SLC26A4: variants seen among roughly 807,000 people sequenced by gnomAD.
SLC26A4 encodes the protein solute carrier family 26 member 4.
In SLC26A4, 93 loss-of-function variants were observed where a neutral mutation model predicts 90.4. The observed-to-expected ratio is 1.03, with a 90% CI of 0.87 to 1.22. The LOEUF (loss-of-function observed/expected upper bound fraction) is 1.22, where lower values mean the gene tolerates loss of function less well. SLC26A4 is among the 50% of genes most tolerant of loss of function. The probability of loss-of-function intolerance (pLI) is 0.00; values close to 1 mark genes in which losing one functional copy is unlikely to be tolerated. For synonymous variants in SLC26A4, 393 were observed against 354.6 expected (o/e 1.11, Z -1.22); for missense variants, 1,127 against 946.2 (o/e 1.19, Z -2.51).
chr7:107,675,385 T>C (rs1790997817), intron 6 of SLC26A4, among the ~76,000 whole-genome samples: 1 of 150,686 alleles, frequency 6.6e-6, no homozygotes, highest in Admixed American at 6.6e-5. Context: ...TGCACACTTG[T>C]AGTCTCAGCT....
At chr7:107,694,570 C>G (rs764490335) in intron 11 of SLC26A4, 51 bp from the exon 12 acceptor site, 1 of 1,541,356 alleles carries the variant, frequency 6.5e-7, no homozygotes, top group Non-Finnish European at 9.0e-7. Context: ...ACAATCATCA[C>G]ATGGAAAACC....
chr7:107,665,111 A>T (rs904137735), intron 3 of SLC26A4, among the ~76,000 whole-genome samples: 5 of 152,168 alleles, frequency 3.3e-5, no homozygotes, highest in Non-Finnish European at 7.3e-5. Context: ...GCTTCCTGGA[A>T]GTTGAATGTC....
chr7:107,695,089 G>A (rs911791103), intron 12 of SLC26A4, among the ~76,000 whole-genome samples: 1 of 152,112 alleles, frequency 6.6e-6, no homozygotes, highest in Non-Finnish European at 1.5e-5. Context: ...CTTTAACTCT[G>A]ACTAACATAA....
chr7:107,663,246 G>A, intron 2 of SLC26A4, 50 bp from the exon 3 acceptor site: 1 of 1,606,724 alleles, frequency 6.2e-7, no homozygotes, highest in Non-Finnish European at 8.5e-7. Flanking sequence ...TTTGCAAATT[G>A]GTTGTGACTG....
At chr7:107,695,468 C>T (rs931318856) in intron 12 of SLC26A4, among the ~76,000 whole-genome samples, 1 of 152,168 alleles carries the variant, frequency 6.6e-6, no homozygotes, top group Admixed American at 6.6e-5. Context: ...AGCCCAGTTT[C>T]TACAGCTACT....
At chr7:107,686,429 C>CTT (rs1042838853) in intron 8 of SLC26A4, among the ~76,000 whole-genome samples, 2 of 83,724 alleles carry the variant, frequency 2.4e-5, no homozygotes, top group Non-Finnish European at 4.4e-5. Context: ...TTCTTTCTTT[C>CTT]TTTCTTTCTT....
chr7:107,702,124 C>T (rs899949258), intron 17 of SLC26A4, 67 bp downstream of exon 17: 17 of 1,027,044 alleles, frequency 1.7e-5, no homozygotes, highest in Non-Finnish European at 4.6e-6. Flanking sequence ...GTGGGTTGTC[C>T]AGTATTGCAA....
At chr7:107,688,806 G>A (rs1203135681) in intron 8 of SLC26A4, among the ~76,000 whole-genome samples, 2 of 152,216 alleles carry the variant, frequency 1.3e-5, no homozygotes, top group East Asian at 1.9e-4. Context: ...GTGAGAGATA[G>A]AGAAGAGTCA....
intron 17 of SLC26A4, among the ~76,000 whole-genome samples, 171 bp downstream of exon 17, chr7:107,702,228 C>T (rs759976029): frequency 6.6e-6 from 1 of 152,174 alleles, no homozygotes; most frequent in South Asian, 2.1e-4. Flanking sequence ...GCCAGACTAC[C>T]TGGGGGAGAT....
Position 107,672,168 on chromosome 7 carries a change from C to T in SLC26A4, c.335C>T (p.Pro112Leu), listed in dbSNP as rs2129311240. ...GMAYALLAAV[P>L]VGYGLYSAFF... ...GCATATGCCCTACTAGCTGCAGTTCCTGTCGGATATGGTCTCTACTCTGCT... is the reference window on the plus strand; with the variant it reads ...GCATATGCCCTACTAGCTGCAGTTCTTGTCGGATATGGTCTCTACTCTGCT... The change falls in exon 4 of 21, where the codon CCT (proline) becomes CTT (leucine). Residue 112 changes from proline (P) to leucine (L), a missense_variant. Coordinates refer to ENST00000644269, the MANE Select transcript of SLC26A4 (RefSeq NM_000441.2). The T allele has an allele frequency of 1.2e-6, 2 of 1,613,018 alleles. No homozygotes were observed. Among genetic ancestry groups the T allele is most frequent in the Non-Finnish European group, 1.7e-6 (2 of 1,179,082 alleles).
intron 8 of SLC26A4, among the ~76,000 whole-genome samples, chr7:107,686,981 G>A (rs1038135896): frequency 6.6e-6 from 1 of 152,190 alleles, no homozygotes; most frequent in Non-Finnish European, 1.5e-5. Context: ...CTTTCTGAGG[G>A]CTACTCTTCT....
chr7:107,707,304 G>A (rs1295870710), intron 18 of SLC26A4, among the ~76,000 whole-genome samples: 1 of 152,200 alleles, frequency 6.6e-6, no homozygotes, highest in African/African-American at 2.4e-5. Flanking sequence ...TCAGTCTCAT[G>A]TAATTAATTC....
chr7:107,686,932 G>C (rs1791439056), intron 8 of SLC26A4, among the ~76,000 whole-genome samples: 1 of 152,130 alleles, frequency 6.6e-6, no homozygotes, highest in Non-Finnish European at 1.5e-5. Flanking sequence ...GTGGCACAGG[G>C]GCAAAGCCAA....
rs965597273 is a variant in SLC26A4, at chr7:107,672,321, C to A, written c.415+73C>A. On this transcript the variant is annotated intron_variant, in intron 4 of 20. Transcript: ENST00000644269. ...TTTTGGCTATATTAAGTGCATTATA[C>A]CTCTATTAGGTTGGTGCAAAAGTAA... 397 of 881,644 alleles carry A rather than the reference C, an allele frequency of 4.5e-4. 4 individuals are homozygous for A. The East Asian group carries it at 0.011, about 23-fold the overall frequency. 54.6% of individuals were successfully genotyped at this position (881,644 alleles called of 1,614,324 possible). A position where few individuals can be genotyped will look rare whatever the true frequency, so the allele number is the denominator to read the frequency against.
At chr7:107,701,536 A>G (rs1791885294) in intron 16 of SLC26A4, among the ~76,000 whole-genome samples, 1 of 152,232 alleles carries the variant, frequency 6.6e-6, no homozygotes, top group South Asian at 2.1e-4. Context: ...GTCTAAGTCC[A>G]TAAACTTTTG....
intron 8 of SLC26A4, among the ~76,000 whole-genome samples, chr7:107,688,601 T>C (rs1791482017): frequency 6.6e-6 from 1 of 152,246 alleles, no homozygotes; most frequent in African/African-American, 2.4e-5. Flanking sequence ...TGAGCTCTTT[T>C]AGCTTCATAC....
chr7:107,700,784 GGGCTC>G (rs1248015827), intron 15 of SLC26A4, among the ~76,000 whole-genome samples: 1 of 152,188 alleles, frequency 6.6e-6, no homozygotes, highest in African/African-American at 2.4e-5. Context: ...AATAACAAAA[GGGCTC>G]TGTGATACCA....
chr7:107,681,979 C>G (rs1791243493), intron 6 of SLC26A4, among the ~76,000 whole-genome samples: 1 of 151,544 alleles, frequency 6.6e-6, no homozygotes. Context: ...TTATTGTACT[C>G]TCTACAATAA....
intron 8 of SLC26A4, among the ~76,000 whole-genome samples, chr7:107,686,431 T>TTCTC: frequency 1.1e-5 from 1 of 88,406 alleles, no homozygotes; most frequent in Non-Finnish European, 2.1e-5. Context: ...CTTTCTTTCT[T>TTCTC]TCTTTCTTTC....
Sources: gnomAD v4.1 joint callset for allele counts (sites outside exome capture counted in the v4.1 genomes callset) on GRCh38, gnomAD v4.1.1 for gene constraint, MANE v1.5 for transcripts, NCBI Gene and HGNC (gene_info 2026-07-23, HGNC 2026-07-21) for gene names.